Variants in ZNF440 observed in about 807,000 individuals in gnomAD.
ZNF440 encodes the protein zinc finger protein 440.
In ZNF440, 47 loss-of-function variants were observed where a neutral mutation model predicts 49.7. That is an observed-to-expected ratio of 0.95 (90% CI 0.75 to 1.21). ZNF440 has a LOEUF of 1.21. ZNF440 is among the 50% of genes most tolerant of loss of function. ZNF440 has a pLI of 0.00. For missense variants in ZNF440, 703 were observed against 715.0 expected (o/e 0.98, Z 0.19); for synonymous variants, 255 against 237.7 (o/e 1.07, Z -0.67).
rs1425586725 is a variant in ZNF440, at chr19:11,831,550, T to A, written c.374T>A (p.Ile125Asn). ...GGTAACTCATCTTTTAATATGAACATCAGAGGTGACATTGGACACAAGGCA... is the reference window on the plus strand; with the variant it reads ...GGTAACTCATCTTTTAATATGAACAACAGAGGTGACATTGGACACAAGGCA... ...GLGNSSFNMN[I>N]RGDIGHKAYE... The change falls in exon 4 of 4, where the codon ATC becomes AAC. Residue 125 changes from isoleucine (I) to asparagine (N), a missense_variant. Transcript: ENST00000304060. 1.2e-6 allele frequency: 2 copies of A among 1,613,862 alleles called. No individual in the cohort carries two copies. The highest frequency in any genetic ancestry group is 4.5e-5 in the East Asian group (2 of 44,886).
rs1236714803 is a variant in ZNF440 at position 11,832,126 on chromosome 19, G to A, written c.950G>A (p.Cys317Tyr). 6.2e-7 allele frequency: 1 copy of A among 1,614,102 alleles called. No homozygotes were observed. The highest frequency in any genetic ancestry group is 8.5e-7 in the Non-Finnish European group (1 of 1,180,042). The change falls in exon 4 of 4, where the codon TGT (cysteine) becomes TAT (tyrosine). Residue 317 changes from cysteine to tyrosine, a missense_variant. By Grantham distance (194) the Cys-to-Tyr change is radical (BLOSUM62 -2). Coordinates refer to ENST00000304060, the MANE Select transcript of ZNF440 (RefSeq NM_152357.3). ...SRKNLYECKQ[C>Y]GKALSSLTSF... Reference sequence around the variant, plus strand: ...AAAAATCTCTATGAATGTAAGCAGTGTGGGAAAGCATTATCCTCTCTTACA... The same window carrying A: ...AAAAATCTCTATGAATGTAAGCAGTATGGGAAAGCATTATCCTCTCTTACA...
intron 1 of ZNF440, among the ~76,000 whole-genome samples, chr19:11,828,654 G>T (rs1975895736): frequency 6.6e-6 from 1 of 150,448 alleles, no homozygotes; most frequent in Admixed American, 6.6e-5. Flanking sequence ...CATGCATGTT[G>T]TAGTTTAGTC....
At chr19:11,814,897 G>A (rs186218262) in intron 1 of ZNF440, among the ~76,000 whole-genome samples, 3,864 of 152,238 alleles carry the variant, frequency 0.025, 101 homozygotes, top group Middle Eastern at 0.068. Context: ...CCTTAACGCA[G>A]TTTCTAGCAC....
intron 1 of ZNF440, among the ~76,000 whole-genome samples, chr19:11,822,844 T>C (rs1975815102): frequency 1.6e-5 from 1 of 61,340 alleles, no homozygotes; most frequent in African/African-American, 7.7e-5. Context: ...TGAAACTCCG[T>C]TAAAAAAAAA....
intron 1 of ZNF440, among the ~76,000 whole-genome samples, chr19:11,821,323 G>A (rs1392972020): frequency 6.6e-6 from 1 of 152,196 alleles, no homozygotes; most frequent in African/African-American, 2.4e-5. Flanking sequence ...AATGCCTTGT[G>A]ATGGAAGGAG....
intron 1 of ZNF440, among the ~76,000 whole-genome samples, chr19:11,829,091 A>C (rs406262): frequency 1.3e-5 from 2 of 151,856 alleles, no homozygotes; most frequent in Non-Finnish European, 2.9e-5. Context: ...TGCATTGCTC[A>C]TTACTGCCAC....
At chr19:11,824,986 C>T (rs999242947) in intron 1 of ZNF440, among the ~76,000 whole-genome samples, 12 of 151,762 alleles carry the variant, frequency 7.9e-5, no homozygotes, top group Non-Finnish European at 1.5e-4. Flanking sequence ...GGATTACAGG[C>T]GTGAGCCACC....
At chr19:11,826,425 T>C (rs1375099482) in intron 1 of ZNF440, among the ~76,000 whole-genome samples, 1 of 152,160 alleles carries the variant, frequency 6.6e-6, no homozygotes, top group Non-Finnish European at 1.5e-5. Flanking sequence ...CATCAGTTTT[T>C]AGTTCATTTG....
chr19:11,814,500 C>A, intron 1 of ZNF440, 50 bp downstream of exon 1: 1 of 1,454,234 alleles, frequency 6.9e-7, no homozygotes, highest in Non-Finnish European at 9.1e-7. Flanking sequence ...GGGCTGGAAT[C>A]GGCCGGAACC....
rs1179862607 is a variant in ZNF440, at chr19:11,832,685, TATC to T, written c.1512_1514del (p.Ile504del). ...CTTCAGTAGTTCCAGTTCCTTTTGATATCATGAAAGGACTCACACTGGAGAGAA... is the reference window on the plus strand; with the variant it reads ...CTTCAGTAGTTCCAGTTCCTTTTGATATGAAAGGACTCACACTGGAGAGAA... On this transcript the variant is annotated inframe_deletion, in exon 4 of 4. Coordinates refer to ENST00000304060, the MANE Select transcript of ZNF440 (RefSeq NM_152357.3). 2 of 1,613,256 alleles carry T rather than the reference TATC, an allele frequency of 1.2e-6. No individual in the cohort carries two copies. Among genetic ancestry groups the T allele is most frequent in the African/African-American group, 2.7e-5 (2 of 74,610 alleles).
chr19:11,832,504 A>G lies in ZNF440; in HGVS notation c.1328A>G (p.Glu443Gly). ...TATGTGAATAACCTTCAAAGTCATG[A>G]AAGGACACAAACACACATAAGAATA... The part of the protein sequence containing the change: ...FRYVNNLQSH[E>G]RTQTHIRIHS... The change falls in exon 4 of 4, where the codon GAA (glutamate) becomes GGA (glycine). Residue 443 changes from glutamate to glycine, a missense_variant. Glu to Gly is a moderately conservative substitution (Grantham distance 98). Coordinates refer to ENST00000304060, the MANE Select transcript of ZNF440 (RefSeq NM_152357.3). The G allele has an allele frequency of 6.2e-7, 1 of 1,613,480 alleles. No individual in the cohort carries two copies. Among genetic ancestry groups the G allele is most frequent in the Middle Eastern group, 1.7e-4 (1 of 6,052 alleles).
At position 11,814,384 on chromosome 19, in the gene ZNF440, A is replaced by C. The variant is rs1208137545; in HGVS notation, c.-64A>C. ...GAGCTTCTGTCGCTCTGTAACCTGC[A>C]CTGTGACCTACACTAGTCGCGGGAG... On this transcript the variant is annotated 5_prime_UTR_variant, in exon 1 of 4. Coordinates refer to ENST00000304060, the MANE Select transcript of ZNF440 (RefSeq NM_152357.3). The C allele has an allele frequency of 6.5e-7, 1 of 1,536,050 alleles. No homozygotes were observed. Among genetic ancestry groups the C allele is most frequent in the Non-Finnish European group, 8.7e-7 (1 of 1,143,278 alleles).
rs1244927345 is a variant in ZNF440 at position 11,814,320 on chromosome 19, C to T, written c.-128C>T. 2.7e-6 allele frequency: 3 copies of T among 1,098,968 alleles called. No homozygotes were observed. Among genetic ancestry groups the T allele is most frequent in the African/African-American group, 3.3e-5 (2 of 60,522 alleles). The allele number at this position is 1,098,968 out of a possible 1,614,324, so 68.1% of individuals were successfully genotyped here. On this transcript the variant is annotated 5_prime_UTR_variant, in exon 1 of 4. Transcript: ENST00000304060. Reference sequence around the variant, plus strand: ...GCTGCGCCGACAGCGGTCAGGATCTCGGCTTTCTTGCTTCGAGAGGGACTA... The same window carrying T: ...GCTGCGCCGACAGCGGTCAGGATCTTGGCTTTCTTGCTTCGAGAGGGACTA...
In ZNF440 at chr19:11,833,601, ATTTC is replaced by A. The variant is rs1392090784; in HGVS notation, c.*640_*643del. 2 of 314,254 alleles carry A rather than the reference ATTTC, an allele frequency of 6.4e-6. No homozygotes were observed. Among genetic ancestry groups the A allele is most frequent in the East Asian group, 1.7e-4 (2 of 11,754 alleles). The allele number at this position is 314,254 out of a possible 1,614,324, so 19.5% of individuals were successfully genotyped here. ...ATGTAAGCAATGTGCAAAAGCCTTT[ATTTC>A]TTCCACTTCTTTTCAATATCATGAA... is the stretch of plus-strand genomic sequence containing the variant. On this transcript the variant is annotated 3_prime_UTR_variant, in exon 4 of 4. Transcript: ENST00000304060.
chr19:11,817,642 A>G (rs886859614), intron 1 of ZNF440: 1 of 151,828 alleles, frequency 6.6e-6, no homozygotes, highest in African/African-American at 2.4e-5. Flanking sequence ...TTCAAGACCA[A>G]CGTGGCCAAC....
rs375155828 is a variant in ZNF440, at chr19:11,831,712, A to G, written c.536A>G (p.Lys179Arg). 9 of 1,614,108 alleles carry G rather than the reference A, an allele frequency of 5.6e-6. No homozygotes were observed. The African/African-American group carries it at 8.0e-5, about 14-fold the overall frequency. ...EKPNACKVCG[K>R]TFISHSSVRR... ...CCCAATGCTTGTAAAGTATGTGGAA[A>G]AACCTTTATTTCCCATTCAAGTGTT... Residue 179 changes from lysine (K) to arginine (R), a missense_variant, in exon 4 of 4, where the codon AAA becomes AGA. Physicochemically the swap from Lys to Arg is conservative, Grantham distance 26. Transcript: ENST00000304060.
At chr19:11,820,473 C>T (rs1391410337) in intron 1 of ZNF440, among the ~76,000 whole-genome samples, 3 of 152,204 alleles carry the variant, frequency 2.0e-5, no homozygotes, top group Non-Finnish European at 4.4e-5. Flanking sequence ...CCGCCTCGGC[C>T]TCCCAAAGTG....
Position 11,814,355 on chromosome 19 carries a change from A to G in ZNF440, c.-93A>G. 2.1e-6 allele frequency: 3 copies of G among 1,415,616 alleles called. No homozygotes were observed. The East Asian group carries it at 8.6e-5, about 41-fold the overall frequency. The allele number at this position is 1,415,616 out of a possible 1,614,324, so 87.7% of individuals were successfully genotyped here. A position where few individuals can be genotyped will look rare whatever the true frequency, so the allele number is the denominator to read the frequency against. On this transcript the variant is annotated 5_prime_UTR_variant, in exon 1 of 4. Coordinates refer to ENST00000304060, the MANE Select transcript of ZNF440 (RefSeq NM_152357.3). ...GCTTCGAGAGGGACTAGGTGCCTCC[A>G]CCAGAGCTTCTGTCGCTCTGTAACC... is the stretch of plus-strand genomic sequence containing the variant.
Position 11,832,806 on chromosome 19 carries a change from AGT to A in ZNF440, c.1634_1635del (p.Val545GlufsTer3). 2 of 1,614,012 alleles carry A rather than the reference AGT, an allele frequency of 1.2e-6. No individual in the cohort carries two copies. The highest frequency in any genetic ancestry group is 1.7e-6 in the Non-Finnish European group (2 of 1,180,002). ...ACTCACCCTGAAGAGAAACCCTATG[AGT>A]GTGAGCAATGACGGAAAGCCTTCAG... The part of the protein sequence containing the change: ...VGLTLKRNPM[S>X]VSNDGKPSDL... On this transcript the variant is annotated frameshift_variant, in exon 4 of 4. Transcript: ENST00000304060. LOFTEE classifies it high-confidence loss of function.
Sources: allele counts gnomAD v4.1 joint callset (sites outside exome capture counted in the v4.1 genomes callset), GRCh38; gene constraint gnomAD v4.1.1; transcripts MANE v1.5; gene names NCBI Gene and HGNC (gene_info 2026-07-23, HGNC 2026-07-21).